ZSCAN23: variants seen among roughly 807,000 people sequenced by gnomAD.
ZSCAN23 encodes the protein zinc finger and SCAN domain-containing protein 23.
ZSCAN23 carries 19 observed loss-of-function variants against 19.3 expected under a neutral mutation model. That is an observed-to-expected ratio of 0.99 (90% CI 0.69 to 1.45). The LOEUF (loss-of-function observed/expected upper bound fraction) is 1.45, where lower values mean the gene tolerates loss of function less well. ZSCAN23 is among the 40% of genes most tolerant of loss of function. The probability of loss-of-function intolerance (pLI) is 0.00; values close to 1 mark genes in which losing one functional copy is unlikely to be tolerated. For synonymous variants in ZSCAN23, 140 were observed against 166.2 expected (o/e 0.84, Z 1.21); for missense variants, 372 against 462.5 (o/e 0.80, Z 1.79).
chr6:28,423,955 AT>A, the ZSCAN23 span, among the ~76,000 whole-genome samples: 135 of 152,376 alleles, frequency 8.9e-4, 1 homozygote, highest in Admixed American at 7.9e-3. Flanking sequence ...AGAGTGAAGA[AT>A]AAGACACTAT....
the ZSCAN23 span, among the ~76,000 whole-genome samples, chr6:28,426,345 C>T: frequency 6.6e-6 from 1 of 152,156 alleles, no homozygotes; most frequent in South Asian, 2.1e-4. Flanking sequence ...CACTGAGAGG[C>T]CACTGTAGTG....
rs531092135 is a variant in ZSCAN23, at chr6:28,434,831, C to G, written c.804G>C (p.Gln268His). The change falls in exon 4 of 4, where the codon CAG becomes CAC. Residue 268 changes from glutamine to histidine, a missense_variant. Coordinates refer to ENST00000289788, the MANE Select transcript of ZSCAN23 (RefSeq NM_001012455.2). ...FTQNSILIEH[Q>H]RTHTGEKPYE... ...AAGGCTTCTCACCTGTGTGTGTTCT[C>G]TGGTGCTCGATAAGGATGGAATTCT... 171 of 1,592,434 alleles carry G rather than the reference C, an allele frequency of 1.1e-4. 1 individual carries two copies. Among genetic ancestry groups the G allele is most frequent in the Non-Finnish European group, 8.6e-5 (101 of 1,169,344 alleles).
At chr6:28,428,840 C>T (rs528593346), downstream of ZSCAN23, among the ~76,000 whole-genome samples, 3 of 152,250 alleles carry the variant, frequency 2.0e-5, no homozygotes, top group East Asian at 3.9e-4. Context: ...CTTCAGCTAC[C>T]GGGGTGGCCA....
At chr6:28,424,377 A>G in the ZSCAN23 span, among the ~76,000 whole-genome samples, 2 of 152,214 alleles carry the variant, frequency 1.3e-5, no homozygotes, top group African/African-American at 4.8e-5. Flanking sequence ...GATTAGGGTG[A>G]TAACTGCTGA....
In ZSCAN23 at chr6:28,434,697, G is replaced by C; in HGVS notation, c.938C>G (p.Ala313Gly). The C allele has an allele frequency of 6.3e-7, 1 of 1,587,172 alleles. No individual in the cohort carries two copies. The highest frequency in any genetic ancestry group is 8.6e-7 in the Non-Finnish European group (1 of 1,166,456). The change falls in exon 4 of 4, where the codon GCC (alanine) becomes GGC (glycine). Residue 313 changes from alanine (A) to glycine (G), a missense_variant. Transcript: ENST00000289788. ...GAAAAGCCCGGCATTCTGGCTGAAG[G>C]CTTTGCCACAAACACTGCACTGGTA... ...KRYQCSVCGK[A>G]FSQNAGLFHH... is the part of the protein sequence containing the mutation.
At chr6:28,435,820 T>C in intron 2 of ZSCAN23, 39 bp downstream of exon 2, 1 of 1,516,662 alleles carries the variant, frequency 6.6e-7, no homozygotes, top group Non-Finnish European at 8.8e-7. Context: ...CCCATACTTG[T>C]TCTTATAGGT....
chr6:28,421,992 A>G, the ZSCAN23 span, among the ~76,000 whole-genome samples: 1 of 152,062 alleles, frequency 6.6e-6, no homozygotes, highest in Non-Finnish European at 1.5e-5. Context: ...TTACATTTTT[A>G]AAATTCATAT....
intron 1 of ZSCAN23, among the ~76,000 whole-genome samples, chr6:28,440,810 T>C (rs1043019321): frequency 6.6e-6 from 1 of 152,176 alleles, no homozygotes; most frequent in Non-Finnish European, 1.5e-5. Context: ...CCCTATTTTC[T>C]CTGTATACTC....
the ZSCAN23 span, among the ~76,000 whole-genome samples, chr6:28,422,416 T>G: frequency 6.6e-6 from 1 of 152,172 alleles, no homozygotes; most frequent in Non-Finnish European, 1.5e-5. The surrounding 1 kb of genome is among the most constrained non-coding windows in gnomAD (Gnocchi z 4.0). Flanking sequence ...AATGTAATAT[T>G]AAACTAAAAA....
Position 28,435,508 on chromosome 6 carries a change from C to G in ZSCAN23, c.508G>C (p.Glu170Gln). ...TCTCGCAAATTATACCCAAGTTGCTCTTCCAAGGTTTGGAATTGGTCATTT... is the reference window on the plus strand; with the variant it reads ...TCTCGCAAATTATACCCAAGTTGCTGTTCCAAGGTTTGGAATTGGTCATTT... ...SSNDQFQTLE[E>Q]QLGYNLREVC... The change falls in exon 3 of 4, where the codon GAG becomes CAG. Residue 170 changes from glutamate (E) to glutamine (Q), a missense_variant. By Grantham distance (29) the Glu-to-Gln change is conservative. Transcript: ENST00000289788. 3.9e-6 allele frequency: 6 copies of G among 1,551,944 alleles called. No individual in the cohort carries two copies. The highest frequency in any genetic ancestry group is 1.2e-5 in the South Asian group (1 of 84,064).
downstream of ZSCAN23, among the ~76,000 whole-genome samples, chr6:28,427,723 T>C (rs1761685284): frequency 6.6e-6 from 1 of 152,216 alleles, no homozygotes; most frequent in African/African-American, 2.4e-5. Flanking sequence ...AAGTACCTGT[T>C]AAATACGTTT....
the ZSCAN23 span, among the ~76,000 whole-genome samples, chr6:28,422,702 A>G: frequency 2.2e-5 from 3 of 134,976 alleles, no homozygotes; most frequent in Admixed American, 1.5e-4. This position sits in a 1 kb window ranked among gnomAD's most constrained non-coding sequence, Gnocchi z 4.0. Flanking sequence ...GAGTAGCAGG[A>G]TTTTTTAAAA....
chr6:28,433,049 AAAT>A lies in ZSCAN23; in HGVS notation c.*1413_*1415del, dbSNP rs1376655253. The A allele has an allele frequency of 2.0e-5, 3 of 152,152 alleles. No homozygotes were observed. The highest frequency in any genetic ancestry group is 6.5e-5 in the Admixed American group (1 of 15,276). The allele number at this position is 152,152 out of a possible 1,614,324, so 9.4% of individuals were successfully genotyped here. A position where few individuals can be genotyped will look rare whatever the true frequency, so the allele number is the denominator to read the frequency against. On this transcript the variant is annotated 3_prime_UTR_variant, in exon 4 of 4. Coordinates refer to ENST00000289788, the MANE Select transcript of ZSCAN23 (RefSeq NM_001012455.2). ...GAGTAAATTAAATTTTAAAAGCTAA[AAAT>A]AATAATTACAAAAATAAAATGCTTT...
intron 3 of ZSCAN23, 148 bp downstream of exon 3, chr6:28,435,312 G>A (rs1414249851): frequency 8.5e-7 from 1 of 1,180,012 alleles, no homozygotes; most frequent in Non-Finnish European, 1.2e-6. Flanking sequence ...TAAACTTCGT[G>A]AGAGTGGGGA....
Position 28,434,724 on chromosome 6 carries a change from C to A in ZSCAN23, c.911G>T (p.Arg304Leu). ...TTTGCCACAAACACTGCACTGGTAG[C>A]GCTTCTCCCCAGTGTGGAGTCTCTG... ...QHQRLHTGEK[R>L]YQCSVCGKAF... is the part of the protein sequence containing the mutation. Residue 304 changes from arginine to leucine, a missense_variant, in exon 4 of 4, where the codon CGC (arginine) becomes CTC (leucine). Transcript: ENST00000289788. 6.3e-7 allele frequency: 1 copy of A among 1,597,952 alleles called. No individual in the cohort carries two copies. The highest frequency in any genetic ancestry group is 8.5e-7 in the Non-Finnish European group (1 of 1,172,022).
At chr6:28,431,323 G>A (rs1329546624), downstream of ZSCAN23, among the ~76,000 whole-genome samples, 1 of 151,954 alleles carries the variant, frequency 6.6e-6, no homozygotes, top group Non-Finnish European at 1.5e-5. Flanking sequence ...ACTGCCTATT[G>A]CAAAAATTAT....
the ZSCAN23 span, among the ~76,000 whole-genome samples, chr6:28,426,032 A>G: frequency 6.6e-6 from 1 of 152,122 alleles, no homozygotes; most frequent in Admixed American, 6.5e-5. Flanking sequence ...GAAAGTTAGG[A>G]CCCTGCTGTG....
intron 3 of ZSCAN23, 144 bp from the exon 4 acceptor site, chr6:28,435,222 G>T (rs1451326207): frequency 2.7e-6 from 3 of 1,115,440 alleles, no homozygotes; most frequent in Non-Finnish European, 3.7e-6. Context: ...CCACTCTAAA[G>T]CTATTATACC....
intron 1 of ZSCAN23, among the ~76,000 whole-genome samples, chr6:28,438,528 G>A (rs958267544): frequency 2.0e-5 from 3 of 152,196 alleles, no homozygotes; most frequent in African/African-American, 4.8e-5. Flanking sequence ...AAGGAAAGAG[G>A]TTTAATTGAC....
Sources: gnomAD v4.1 joint callset for allele counts (sites outside exome capture counted in the v4.1 genomes callset) on GRCh38, gnomAD v4.1.1 for gene constraint, Gnocchi (gnomAD v3.1) non-coding constraint, MANE v1.5 for transcripts, NCBI Gene and HGNC (gene_info 2026-07-23, HGNC 2026-07-21) for gene names.